The following MTHFD2L variants were observed in gnomAD, a reference collection of about 807,000 sequenced individuals.
MTHFD2L encodes the protein methylenetetrahydrofolate dehydrogenase (NADP+ dependent) 2 like, also known as bifunctional methylenetetrahydrofolate dehydrogenase/cyclohydrolase 2, mitochondrial.
Under a neutral mutation model 34.9 loss-of-function variants are expected in MTHFD2L, and 29 were observed. The ratio of observed to expected loss-of-function variants is 0.83; its 90% CI spans 0.62 to 1.13. MTHFD2L has a LOEUF of 1.13. Ranked by LOEUF, MTHFD2L falls within the 50% of genes most tolerant of loss-of-function variation. The pLI is 0.00. For missense variants in MTHFD2L, 481 were observed against 446.5 expected (o/e 1.08, Z -0.70); for synonymous variants, 167 against 155.7 (o/e 1.07, Z -0.54).
chr4:74,135,067 A>G (rs1361388772), intron 1 of MTHFD2L, among the ~76,000 whole-genome samples: 1 of 152,154 alleles, frequency 6.6e-6, no homozygotes, highest in Non-Finnish European at 1.5e-5. Context: ...TAATAAGAGA[A>G]TACTTTCCAA....
At chr4:74,206,643 T>C (rs1735378140) in intron 5 of MTHFD2L, among the ~76,000 whole-genome samples, 1 of 152,098 alleles carries the variant, frequency 6.6e-6, no homozygotes, top group Non-Finnish European at 1.5e-5. Context: ...AGCTGCCCAG[T>C]TACATTTTTT....
chr4:74,248,436 C>T (rs374758998), intron 6 of MTHFD2L, among the ~76,000 whole-genome samples: 16 of 151,884 alleles, frequency 1.1e-4, no homozygotes, highest in Admixed American at 2.0e-4. Context: ...AACCAGCTCC[C>T]GGATTCATTA....
At chr4:74,258,820 A>G (rs1168127605) in intron 6 of MTHFD2L, among the ~76,000 whole-genome samples, 1 of 152,182 alleles carries the variant, frequency 6.6e-6, no homozygotes, top group Non-Finnish European at 1.5e-5. Flanking sequence ...GTGCAGAACA[A>G]TATTTTTTAT....
chr4:74,211,818 T>G (rs1016446195), intron 5 of MTHFD2L, among the ~76,000 whole-genome samples: 4 of 151,906 alleles, frequency 2.6e-5, no homozygotes, highest in Admixed American at 2.6e-4. Context: ...TGGTCCTGTT[T>G]TTTTTTTGGG....
chr4:74,181,496 C>T (rs1407410815), intron 3 of MTHFD2L, among the ~76,000 whole-genome samples: 1 of 152,100 alleles, frequency 6.6e-6, no homozygotes, highest in Non-Finnish European at 1.5e-5. Flanking sequence ...AGTACCAGAG[C>T]GTTGTCAAGA....
At chr4:74,182,421 A>G (rs1429222477) in intron 3 of MTHFD2L, among the ~76,000 whole-genome samples, 1 of 152,196 alleles carries the variant, frequency 6.6e-6, no homozygotes, top group Non-Finnish European at 1.5e-5. Context: ...TTCTATAGCT[A>G]TATAGTATCT....
chr4:74,152,687 CT>C (rs1288572454), intron 1 of MTHFD2L, among the ~76,000 whole-genome samples: 3 of 152,054 alleles, frequency 2.0e-5, no homozygotes, highest in Non-Finnish European at 4.4e-5. Context: ...TCTCCACCCC[CT>C]GACAGGCCCC....
chr4:74,118,841 C>T (rs1000678815), upstream of MTHFD2L, among the ~76,000 whole-genome samples: 6 of 152,272 alleles, frequency 3.9e-5, no homozygotes, highest in Non-Finnish European at 7.3e-5. Flanking sequence ...TGCCTCCTGT[C>T]GGATCAGTGG....
At chr4:74,130,005 G>A (rs190531201) in intron 1 of MTHFD2L, among the ~76,000 whole-genome samples, 1 of 152,062 alleles carries the variant, frequency 6.6e-6, no homozygotes, top group East Asian at 1.9e-4. Context: ...ACAAATTCCT[G>A]GACACATACA....
chr4:74,175,434 T>C (rs1392483560), intron 3 of MTHFD2L, 31 bp downstream of exon 3: 1 of 1,579,420 alleles, frequency 6.3e-7, no homozygotes, highest in Non-Finnish European at 8.6e-7. Flanking sequence ...TTATCTGATT[T>C]TGTTAAAAGT....
At chr4:74,191,068 T>C (rs749844604) in intron 3 of MTHFD2L, among the ~76,000 whole-genome samples, 3 of 152,040 alleles carry the variant, frequency 2.0e-5, no homozygotes, top group Non-Finnish European at 4.4e-5. Flanking sequence ...GCCCATCTAA[T>C]TTTAGTATTT....
At chr4:74,220,306 C>T (rs183973589) in intron 5 of MTHFD2L, among the ~76,000 whole-genome samples, 27 of 151,922 alleles carry the variant, frequency 1.8e-4, no homozygotes, top group Middle Eastern at 6.8e-3. Flanking sequence ...AAGAGAATAA[C>T]CAAGGGAGAC....
chr4:74,224,476 T>C (rs558471452), intron 5 of MTHFD2L, among the ~76,000 whole-genome samples: 24 of 152,284 alleles, frequency 1.6e-4, no homozygotes, highest in African/African-American at 5.5e-4. Context: ...GTTGTTTTGG[T>C]TAACTGTGTA....
At chr4:74,179,565 A>G (rs1729708175) in intron 3 of MTHFD2L, among the ~76,000 whole-genome samples, 1 of 152,074 alleles carries the variant, frequency 6.6e-6, no homozygotes, top group Non-Finnish European at 1.5e-5. Flanking sequence ...TGAATTTATA[A>G]TGTGGCTTTG....
At chr4:74,140,771 G>A (rs1263505390) in intron 1 of MTHFD2L, among the ~76,000 whole-genome samples, 1 of 152,198 alleles carries the variant, frequency 6.6e-6, no homozygotes, top group Non-Finnish European at 1.5e-5. Context: ...GAAGAAGAAT[G>A]AGTGCCCAGT....
At chr4:74,287,621 C>T (rs1428845235) in intron 7 of MTHFD2L, among the ~76,000 whole-genome samples, 2 of 152,126 alleles carry the variant, frequency 1.3e-5, no homozygotes, top group African/African-American at 4.8e-5. Context: ...GTGGTGCACT[C>T]CTGTAATCCC....
chr4:74,165,890 A>G (rs1726585451), intron 1 of MTHFD2L, among the ~76,000 whole-genome samples: 1 of 152,218 alleles, frequency 6.6e-6, no homozygotes, highest in South Asian at 2.1e-4. Flanking sequence ...TTTTCAAAGT[A>G]CTTTTCTTTG....
chr4:74,143,636 T>C (rs947299627), intron 1 of MTHFD2L, among the ~76,000 whole-genome samples: 1 of 152,166 alleles, frequency 6.6e-6, no homozygotes, highest in African/African-American at 2.4e-5. Flanking sequence ...AAAAATGAAT[T>C]TTGCTGCTTA....
At chr4:74,270,991 A>G (rs1432244685) in intron 6 of MTHFD2L, among the ~76,000 whole-genome samples, 3 of 152,044 alleles carry the variant, frequency 2.0e-5, no homozygotes, top group Admixed American at 6.6e-5. Flanking sequence ...GTCTGTTCAT[A>G]TCCTTCGCCC....
Sources: allele counts gnomAD v4.1 joint callset (sites outside exome capture counted in the v4.1 genomes callset), GRCh38; gene constraint gnomAD v4.1.1; transcripts MANE v1.5; gene names NCBI Gene and HGNC (gene_info 2026-07-23, HGNC 2026-07-21).